The following SMAP1 variants were observed in gnomAD, a reference collection of about 807,000 sequenced individuals.
SMAP1 encodes the protein stromal membrane-associated protein 1.
In SMAP1, 24 loss-of-function variants were observed where a neutral mutation model predicts 58.5. The ratio of observed to expected loss-of-function variants is 0.41; its 90% CI spans 0.30 to 0.58. The LOEUF (loss-of-function observed/expected upper bound fraction) is 0.58, where lower values mean the gene tolerates loss of function less well. Ranked by LOEUF, SMAP1 falls within the 20% of genes least tolerant of loss-of-function variation. The pLI is 0.29. For synonymous variants in SMAP1, 216 were observed against 196.6 expected (o/e 1.10, Z -0.82); for missense variants, 563 against 566.3 (o/e 0.99, Z 0.06).
chr6:70,682,554 C>A (rs913750377), intron 1 of SMAP1, among the ~76,000 whole-genome samples: 3 of 152,138 alleles, frequency 2.0e-5, no homozygotes, highest in African/African-American at 7.2e-5. Context: ...AAAAAATAAT[C>A]CCTCTCCACT....
intron 6 of SMAP1, among the ~76,000 whole-genome samples, chr6:70,803,867 G>A (rs1236362704): frequency 1.3e-5 from 2 of 152,102 alleles, no homozygotes; most frequent in Non-Finnish European, 2.9e-5. Context: ...AGTTTGTTGT[G>A]ATTTCTGTTC....
In SMAP1 at chr6:70,667,983, C is replaced by T. The variant is rs781547884; in HGVS notation, c.-41C>T. On this transcript the variant is annotated 5_prime_UTR_variant, in exon 1 of 11. Transcript: ENST00000370455. ...CTGCCCGGCTCCAGCCAGCGTCCGCCGCCGCCGTAGCTGCCCCAGGCTCCC... is the reference window on the plus strand; with the variant it reads ...CTGCCCGGCTCCAGCCAGCGTCCGCTGCCGCCGTAGCTGCCCCAGGCTCCC... The T allele has an allele frequency of 2.0e-6, 3 of 1,527,904 alleles. No homozygotes were observed. The highest frequency in any genetic ancestry group is 1.8e-6 in the Non-Finnish European group (2 of 1,132,162). The allele number at this position is 1,527,904 out of a possible 1,614,324, so 94.6% of individuals were successfully genotyped here.
chr6:70,740,608 G>C (rs560797613), intron 2 of SMAP1, among the ~76,000 whole-genome samples: 1 of 152,226 alleles, frequency 6.6e-6, no homozygotes, highest in African/African-American at 2.4e-5. Context: ...TCAATTCCCA[G>C]GTTTTTTCTT....
At chr6:70,687,714 A>G (rs1766991241) in intron 1 of SMAP1, among the ~76,000 whole-genome samples, 1 of 152,232 alleles carries the variant, frequency 6.6e-6, no homozygotes, top group Non-Finnish European at 1.5e-5. Context: ...TAATGGTAAC[A>G]TCTTGTAAAA....
chr6:70,736,210 T>A (rs906597716), intron 2 of SMAP1, among the ~76,000 whole-genome samples: 20 of 152,246 alleles, frequency 1.3e-4, no homozygotes, highest in Admixed American at 5.2e-4. Context: ...ACCCAAAACT[T>A]ACTTTGATTT....
chr6:70,694,512 AGTT>A (rs1270399980), intron 1 of SMAP1: 2 of 152,994 alleles, frequency 1.3e-5, no homozygotes, highest in Non-Finnish European at 2.9e-5. Flanking sequence ...ACCTAGAAGA[AGTT>A]GTTGAAAAGC....
At position 70,822,838 on chromosome 6, in the gene SMAP1, G is replaced by GTT. The variant is rs550803429; in HGVS notation, c.577-14094_577-14093dup. Among the ~76,000 whole-genome samples the GTT allele has an allele frequency of 3.4e-5, 5 of 147,438 alleles. No individual in the cohort carries two copies. The East Asian group carries it at 9.9e-4, about 29-fold the overall frequency. ...GGATATTCTTTTCCATTTCTTCAGT[G>GTT]TTTTTTTTTTCCTTTGCTTTTCTGT... On this transcript the variant is annotated intron_variant, in intron 6 of 10. Coordinates refer to ENST00000370455, the MANE Select transcript of SMAP1 (RefSeq NM_001044305.3).
At chr6:70,692,255 G>C (rs1028178910) in intron 1 of SMAP1, among the ~76,000 whole-genome samples, 1 of 152,152 alleles carries the variant, frequency 6.6e-6, no homozygotes, top group Non-Finnish European at 1.5e-5. Context: ...TGTCTGATTA[G>C]ATCTTTTGTC....
At chr6:70,788,471 T>TA (rs531819936) in intron 4 of SMAP1, among the ~76,000 whole-genome samples, 7 of 150,264 alleles carry the variant, frequency 4.7e-5, no homozygotes, top group South Asian at 2.1e-4. Context: ...AAAAATAAAA[T>TA]AAAAAAAAAC....
chr6:70,697,986 C>T (rs1005944791), intron 1 of SMAP1, among the ~76,000 whole-genome samples: 5 of 152,172 alleles, frequency 3.3e-5, no homozygotes, highest in African/African-American at 1.2e-4. Context: ...TGTGTGCTTA[C>T]TATTACCAGT....
chr6:70,767,761 G>A (rs187323529), intron 3 of SMAP1, among the ~76,000 whole-genome samples: 7 of 139,172 alleles, frequency 5.0e-5, no homozygotes, highest in African/African-American at 1.7e-4. Flanking sequence ...CTGCCTAATT[G>A]CCCTGGCCAG....
intron 10 of SMAP1, chr6:70,859,351 T>C: frequency 6.5e-7 from 1 of 1,549,150 alleles, no homozygotes; most frequent in South Asian, 1.2e-5. Flanking sequence ...GGTGATGCTG[T>C]TCTCCAGCAC....
chr6:70,668,164 C>T (rs1447746244), intron 1 of SMAP1, 23 bp downstream of exon 1: 1 of 1,585,098 alleles, frequency 6.3e-7, no homozygotes, highest in Admixed American at 1.7e-5. Context: ...TCGTCGCTGC[C>T]CACGGTCGGG....
intron 2 of SMAP1, among the ~76,000 whole-genome samples, chr6:70,738,695 A>G (rs1331098784): frequency 6.6e-6 from 1 of 152,190 alleles, no homozygotes. Flanking sequence ...TGTGGCCTCA[A>G]CTTGAATTCT....
chr6:70,674,951 C>A (rs1483167960), intron 1 of SMAP1, among the ~76,000 whole-genome samples: 1 of 152,114 alleles, frequency 6.6e-6, no homozygotes, highest in Admixed American at 6.5e-5. Flanking sequence ...CTCCATCCAG[C>A]CTGGGCGACA....
chr6:70,739,199 G>A (rs1346447699), intron 2 of SMAP1, among the ~76,000 whole-genome samples: 3 of 152,136 alleles, frequency 2.0e-5, no homozygotes, highest in Admixed American at 2.0e-4. Context: ...ATATTGGTGA[G>A]TAATTAGATT....
In SMAP1 at chr6:70,713,137, C is replaced by T. The variant is rs367694495; in HGVS notation, c.119-19241C>T. On this transcript the variant is annotated intron_variant, in intron 1 of 10. Transcript: ENST00000370455. ...AGAGACATCCTTTGTAATGCTTCCTCTTTCATTTCTGATTTTTAGTCTTCT... is the reference window on the plus strand; with the variant it reads ...AGAGACATCCTTTGTAATGCTTCCTTTTTCATTTCTGATTTTTAGTCTTCT... Among the ~76,000 whole-genome samples, 33 of 152,254 alleles carry T rather than the reference C, an allele frequency of 2.2e-4. 1 individual carries two copies. The East Asian group carries it at 4.0e-3, about 19-fold the overall frequency.
chr6:70,792,776 A>G (rs1200865993), intron 5 of SMAP1, among the ~76,000 whole-genome samples: 1 of 152,080 alleles, frequency 6.6e-6, no homozygotes, highest in Non-Finnish European at 1.5e-5. Context: ...GAGCCTTCTC[A>G]TGAGCCCACT....
At chr6:70,859,564 C>T (rs989028381) in intron 10 of SMAP1, 1 of 519,586 alleles carries the variant, frequency 1.9e-6, no homozygotes, top group Admixed American at 3.8e-5. Context: ...TAAACCCACT[C>T]ACTATATGGT....
Sources: allele counts gnomAD v4.1 joint callset (sites outside exome capture counted in the v4.1 genomes callset), GRCh38; gene constraint gnomAD v4.1.1; transcripts MANE v1.5; gene names NCBI Gene and HGNC (gene_info 2026-07-23, HGNC 2026-07-21).